Variants in STIL observed in about 807,000 individuals in gnomAD.
STIL encodes SCL-interrupting locus protein.
A neutral mutation model predicts 110.1 loss-of-function variants in STIL; 55 were observed. That is an observed-to-expected ratio of 0.50 (90% CI 0.40 to 0.63). STIL has a LOEUF of 0.63. Ranked by LOEUF, STIL falls within the 20% of genes least tolerant of loss-of-function variation. The pLI is 0.00. For missense variants in STIL, 1,358 were observed against 1,530.0 expected, an observed-to-expected ratio of 0.89 and a Z score of 1.87; for synonymous variants, 481 against 530.0, an observed-to-expected ratio of 0.91 and a Z score of 1.27.
chr1:47,262,810 G>T, intron 15 of STIL, 93 bp downstream of exon 15: 2 of 1,157,312 alleles, frequency 1.7e-6, no homozygotes, highest in Non-Finnish European at 2.6e-6. Context: ...TTATCTTAAG[G>T]TCTCAATCAG....
intron 16 of STIL, among the ~76,000 whole-genome samples, chr1:47,256,091 T>C (rs1262664363): frequency 6.6e-6 from 1 of 152,202 alleles, no homozygotes; most frequent in Non-Finnish European, 1.5e-5. Flanking sequence ...AAATGTGTCT[T>C]ACATTCTAAA....
chr1:47,257,745 C>T (rs777097152), intron 16 of STIL, among the ~76,000 whole-genome samples: 15 of 152,094 alleles, frequency 9.9e-5, no homozygotes, highest in Non-Finnish European at 2.1e-4. Context: ...ATTCCCTATC[C>T]TTCCATTTCA....
In STIL at chr1:47,251,327, T is replaced by G; in HGVS notation, c.3676A>C (p.Ser1226Arg). 6.2e-7 allele frequency: 1 copy of G among 1,614,232 alleles called. No homozygotes were observed. Among genetic ancestry groups the G allele is most frequent in the Non-Finnish European group, 8.5e-7 (1 of 1,180,040 alleles). The part of the protein sequence containing the change: ...PAFLVKNLKP[S>R]PAVNLRTGKA... Reference sequence around the variant, plus strand: ...CCGGTTCGAAGGTTCACTGCAGGACTTGGTTTAAGGTTCTTTACTAAGAAA... The same window carrying G: ...CCGGTTCGAAGGTTCACTGCAGGACGTGGTTTAAGGTTCTTTACTAAGAAA... Residue 1226 changes from serine (S) to arginine (R), a missense_variant, in exon 17 of 17, where the codon AGT (serine) becomes CGT (arginine). Ser to Arg is a moderately radical substitution (Grantham distance 110). Coordinates refer to ENST00000371877, the MANE Select transcript of STIL (RefSeq NM_001048166.1).
At chr1:47,284,995 C>T (rs1005592111) in intron 10 of STIL, among the ~76,000 whole-genome samples, 5 of 150,058 alleles carry the variant, frequency 3.3e-5, no homozygotes, top group African/African-American at 1.2e-4. Context: ...TCCAGCCTAC[C>T]AGCCTACCTG....
chr1:47,295,793 T>A lies in STIL; in HGVS notation c.757A>T (p.Lys253Ter). The A allele has an allele frequency of 6.2e-7, 1 of 1,612,904 alleles. No individual in the cohort carries two copies. Among genetic ancestry groups the A allele is most frequent in the Non-Finnish European group, 8.5e-7 (1 of 1,179,188 alleles). Residue 253 changes from lysine (K) to a stop codon, truncating the protein, a stop_gained, in exon 7 of 17, where the codon AAG becomes TAG. Transcript: ENST00000371877. LOFTEE classifies it high-confidence loss of function. Reference sequence around the variant, plus strand: ...CCCACCAATGGTAGAGAATAAACCTTGGGATCAGATTCCAACAAAAGTAAC... The same window carrying A: ...CCCACCAATGGTAGAGAATAAACCTAGGGATCAGATTCCAACAAAAGTAAC... Reference protein sequence around the residue: ...KLLLLLESDPKVYSLPLVGIW... With the variant: ...KLLLLLESDP
chr1:47,297,775 A>G (rs993996445), intron 6 of STIL, among the ~76,000 whole-genome samples: 2 of 152,120 alleles, frequency 1.3e-5, no homozygotes, highest in African/African-American at 4.8e-5. Flanking sequence ...CCAATTTAAT[A>G]GACGATTCTA....
At chr1:47,257,505 T>C (rs968355875) in intron 16 of STIL, among the ~76,000 whole-genome samples, 1 of 152,166 alleles carries the variant, frequency 6.6e-6, no homozygotes, top group Admixed American at 6.6e-5. Flanking sequence ...AGATCCTATT[T>C]TTAAAAACTA....
At chr1:47,293,013 T>A in intron 8 of STIL, among the ~76,000 whole-genome samples, 1 of 152,204 alleles carries the variant, frequency 6.6e-6, no homozygotes, top group Non-Finnish European at 1.5e-5. Context: ...ATTCCAATGT[T>A]TAGGCTTCAG....
intron 12 of STIL, among the ~76,000 whole-genome samples, chr1:47,272,448 ATTT>A (rs60685133): frequency 7.0e-4 from 102 of 146,016 alleles, no homozygotes; most frequent in Non-Finnish European, 9.1e-4. Flanking sequence ...TAAGTATACT[ATTT>A]TTTTTTTTTT....
At chr1:47,297,876 A>C (rs1645688626) in intron 6 of STIL, among the ~76,000 whole-genome samples, 1 of 152,224 alleles carries the variant, frequency 6.6e-6, no homozygotes, top group Non-Finnish European at 1.5e-5. Flanking sequence ...ACAGATGGAT[A>C]ATTCCAAGAA....
rs1313062737 is a variant in STIL at position 47,305,134 on chromosome 1, TA to T, written c.45-139del. The T allele has an allele frequency of 1.2e-5, 8 of 656,192 alleles. No homozygotes were observed. The East Asian group carries it at 1.4e-4, about 12-fold the overall frequency. 40.6% of individuals were successfully genotyped at this position (656,192 alleles called of 1,614,324 possible). A position where few individuals can be genotyped will look rare whatever the true frequency, so the allele number is the denominator to read the frequency against. On this transcript the variant is annotated intron_variant, in intron 2 of 16. Transcript: ENST00000371877. Reference sequence around the variant, plus strand: ...AATTTTCAAAGAGTTTATATATATATATTTTTTTTGAGACAAAGTCTCACTC... The same window carrying T: ...AATTTTCAAAGAGTTTATATATATATTTTTTTTTGAGACAAAGTCTCACTC...
At chr1:47,254,549 G>A (rs1459182735) in intron 16 of STIL, among the ~76,000 whole-genome samples, 1 of 146,876 alleles carries the variant, frequency 6.8e-6, no homozygotes, top group African/African-American at 2.5e-5. Flanking sequence ...TGTTTTTTTT[G>A]AGACAAGGTC....
intron 7 of STIL, among the ~76,000 whole-genome samples, chr1:47,295,138 G>A (rs1645605544): frequency 1.3e-5 from 2 of 151,370 alleles, no homozygotes; most frequent in Non-Finnish European, 2.9e-5. Context: ...ATCCAGGCTG[G>A]CCTTGAACTC....
intron 14 of STIL, among the ~76,000 whole-genome samples, chr1:47,265,572 G>A (rs1330825294): frequency 6.6e-6 from 1 of 151,836 alleles, no homozygotes; most frequent in East Asian, 1.9e-4. Context: ...TCTGAGGTCA[G>A]GAGTTGGAGA....
intron 12 of STIL, among the ~76,000 whole-genome samples, chr1:47,278,405 C>T (rs1645051458): frequency 6.6e-6 from 1 of 151,968 alleles, no homozygotes; most frequent in Non-Finnish European, 1.5e-5. Context: ...TATTTACACA[C>T]AGAAGCATTT....
intron 10 of STIL, among the ~76,000 whole-genome samples, chr1:47,286,973 T>G (rs1645319533): frequency 6.6e-6 from 1 of 152,110 alleles, no homozygotes; most frequent in African/African-American, 2.4e-5. Context: ...TCTGCTCGCC[T>G]TGGACTCCCA....
At chr1:47,302,528 T>C (rs1271572902) in intron 3 of STIL, among the ~76,000 whole-genome samples, 182 bp from the exon 4 acceptor site, 1 of 152,182 alleles carries the variant, frequency 6.6e-6, no homozygotes, top group Non-Finnish European at 1.5e-5. Context: ...AGAATGGCAA[T>C]AAACAGACAC....
chr1:47,294,394 TATA>T (rs1240260395), intron 7 of STIL, among the ~76,000 whole-genome samples: 1 of 152,280 alleles, frequency 6.6e-6, no homozygotes, highest in African/African-American at 2.4e-5. Flanking sequence ...TAACACTGTA[TATA>T]ATAAGTACTC....
rs141377654 is a variant in STIL at position 47,305,548 on chromosome 1, C to A, written c.45-552G>T. On this transcript the variant is annotated intron_variant, in intron 2 of 16. Coordinates refer to ENST00000371877, the MANE Select transcript of STIL (RefSeq NM_001048166.1). ...GGTTGAAGCGATTCTCCAGCCTTAG[C>A]CTCCCAAGTAGCTGGGACTACAGGC... is the stretch of plus-strand genomic sequence containing the variant. Among the ~76,000 whole-genome samples, 581 of 152,144 alleles carry A rather than the reference C, an allele frequency of 3.8e-3. 2 individuals carry two copies. Among genetic ancestry groups the A allele is most frequent in the African/African-American group, 0.013 (555 of 41,504 alleles).
Sources: gnomAD v4.1 joint callset for allele counts (sites outside exome capture counted in the v4.1 genomes callset) on GRCh38, gnomAD v4.1.1 for gene constraint, MANE v1.5 for transcripts, NCBI Gene and HGNC (gene_info 2026-07-23, HGNC 2026-07-21) for gene names.